The following TEF variants were observed in gnomAD, a reference collection of about 807,000 sequenced individuals.
TEF encodes the protein thyrotroph embryonic factor.
TEF carries 3 observed loss-of-function variants against 20.8 expected under a neutral mutation model. The observed-to-expected ratio is 0.14, with a 90% CI of 0.07 to 0.37. The LOEUF is 0.37. Ranked by LOEUF, TEF falls within the 10% of genes least tolerant of loss-of-function variation. The pLI, the probability that TEF is intolerant of heterozygous loss-of-function variation, is 1.00. For synonymous variants in TEF, 180 were observed against 171.1 expected, an observed-to-expected ratio of 1.05 and a Z score of -0.41; for missense variants, 296 against 397.9, an observed-to-expected ratio of 0.74 and a Z score of 2.18.
intron 1 of TEF, among the ~76,000 whole-genome samples, 157 bp downstream of exon 1, chr22:41,382,358 G>C (rs1447959577): frequency 1.3e-5 from 2 of 152,060 alleles, no homozygotes; most frequent in Non-Finnish European, 2.9e-5. Context: ...GACGAGGCCG[G>C]GGGGCTGAGG....
chr22:41,378,343 C>CT (rs58676366), upstream of TEF, among the ~76,000 whole-genome samples: 4,124 of 83,528 alleles, frequency 0.049, 396 homozygotes, highest in African/African-American at 0.19. Flanking sequence ...TAACTTTTGC[C>CT]TTTTTTTTTT....
At position 41,390,495 on chromosome 22, in the gene TEF, C is replaced by CTTTTTTTT. The variant is rs11358311; in HGVS notation, c.475+2845_475+2852dup. On this transcript the variant is annotated intron_variant, in intron 2 of 3. Transcript: ENST00000266304. ...AGTCATTTTAAGGTCTCATTGTCAT[C>CTTTTTTTT]TTTTTTTTTTTTTTTTTTTTTTTTT... 3.7e-4 allele frequency among the ~76,000 whole-genome samples: 30 copies of CTTTTTTTT among 80,356 alleles called. 1 individual carries two copies. Among genetic ancestry groups the CTTTTTTTT allele is most frequent in the East Asian group, 9.0e-4 (2 of 2,234 alleles). 52.7% of individuals were successfully genotyped at this position (80,356 alleles called of 152,430 possible). A position where few individuals can be genotyped will look rare whatever the true frequency, so the allele number is the denominator to read the frequency against.
upstream of TEF, among the ~76,000 whole-genome samples, chr22:41,378,343 C>CTTT (rs58676366): frequency 4.8e-5 from 4 of 83,560 alleles, no homozygotes; most frequent in African/African-American, 2.0e-4. Context: ...TAACTTTTGC[C>CTTT]TTTTTTTTTT....
rs988061951 is a variant in TEF at position 41,398,645 on chromosome 22, C to G, written c.*2685C>G. 3.3e-5 allele frequency: 5 copies of G among 153,016 alleles called. No individual in the cohort carries two copies. 9.5% of individuals were successfully genotyped at this position (153,016 alleles called of 1,614,324 possible). On this transcript the variant is annotated 3_prime_UTR_variant, in exon 4 of 4. Coordinates refer to ENST00000266304, the MANE Select transcript of TEF (RefSeq NM_003216.4). ...AACTTTGTGGAGGACCTGGGTAACT[C>G]TTACCCTTGGCCAAAGGAAGAGGTT...
chr22:41,369,958 C>T (rs2036861990), intron 1 of TEF: 6 of 985,422 alleles, frequency 6.1e-6, no homozygotes, highest in Non-Finnish European at 7.2e-6. Flanking sequence ...AATGGCTGTG[C>T]TTCGGCACAC....
intron 1 of TEF, among the ~76,000 whole-genome samples, chr22:41,368,653 C>A (rs939963969): frequency 1.3e-5 from 2 of 152,180 alleles, no homozygotes. Context: ...GGAGACATTG[C>A]CCGAACGGGG....
rs1306354088 is a variant in TEF at position 41,369,335 on chromosome 22, G to A, written c.67+1736G>A. The A allele has an allele frequency of 1.3e-5, 11 of 835,266 alleles. No homozygotes were observed. In the African/African-American group the frequency reaches 1.5e-4, roughly 11 times the overall value. The allele number at this position is 835,266 out of a possible 1,614,324, so 51.7% of individuals were successfully genotyped here. ...CCAAGGTTTCAGGCAGAGCTTTGCC[G>A]AGCACTGGCAAGCTGTGGCCGAGAA... On this transcript the variant is annotated intron_variant, in intron 1 of 3. Coordinates refer to the TEF transcript ENST00000406644.
At chr22:41,380,504 GTGTC>G (rs752108236), upstream of TEF, among the ~76,000 whole-genome samples, 1 of 152,142 alleles carries the variant, frequency 6.6e-6, no homozygotes, top group Non-Finnish European at 1.5e-5. Flanking sequence ...CTGGCTGTGG[GTGTC>G]TGGATCATGC....
intron 3 of TEF, among the ~76,000 whole-genome samples, chr22:41,395,389 A>G (rs982208773): frequency 6.6e-6 from 1 of 152,136 alleles, no homozygotes; most frequent in African/African-American, 2.4e-5. Context: ...GTAATCTTGG[A>G]GAGCCAAGAT....
chr22:41,382,318 GA>G, intron 1 of TEF, 117 bp downstream of exon 1: 1 of 922,654 alleles, frequency 1.1e-6, no homozygotes, highest in Non-Finnish European at 1.4e-6. Flanking sequence ...AGCGGAGGGG[GA>G]TGGGGCCTGG....
chr22:41,397,261 C>T lies in TEF; in HGVS notation c.*1301C>T, dbSNP rs1569259723. 2.5e-6 allele frequency: 1 copy of T among 397,464 alleles called. No homozygotes were observed. The highest frequency in any genetic ancestry group is 4.4e-6 in the Non-Finnish European group (1 of 225,644). The allele number at this position is 397,464 out of a possible 1,614,324, so 24.6% of individuals were successfully genotyped here. On this transcript the variant is annotated 3_prime_UTR_variant, in exon 4 of 4. Transcript: ENST00000266304. ...CTGGCCATGCTGTGGCTTCTCACAG[C>T]TGTGGTCTCCCCTGCCTCACAACGA...
intron 1 of TEF, among the ~76,000 whole-genome samples, chr22:41,376,839 C>A (rs560951286): frequency 6.6e-6 from 1 of 152,328 alleles, no homozygotes; most frequent in East Asian, 1.9e-4. Flanking sequence ...GCGGGCGTAT[C>A]CATCTCTGTT....
At chr22:41,382,756 C>A (rs1304637265) in intron 1 of TEF, among the ~76,000 whole-genome samples, 6 of 151,536 alleles carry the variant, frequency 4.0e-5, no homozygotes, top group African/African-American at 1.5e-4. Context: ...GGGAGCCTTT[C>A]TGTTGCGGGG....
At chr22:41,391,070 A>G (rs2037159341) in intron 2 of TEF, among the ~76,000 whole-genome samples, 1 of 152,098 alleles carries the variant, frequency 6.6e-6, no homozygotes, top group African/African-American at 2.4e-5. Context: ...GCCTACAGTT[A>G]CCATGTGGGT....
chr22:41,393,340 CA>C (rs34533572), intron 2 of TEF, among the ~76,000 whole-genome samples: 78,996 of 127,692 alleles, frequency 0.62, 23,903 homozygotes, highest in South Asian at 0.72. Flanking sequence ...GACCCTGTCT[CA>C]AAAAAAAAAA....
In TEF at chr22:41,369,149, C is replaced by T. The variant is rs936286861; in HGVS notation, c.67+1550C>T. 68 of 985,202 alleles carry T rather than the reference C, an allele frequency of 6.9e-5. No homozygotes were observed. The Admixed American group carries it at 2.9e-3, about 42-fold the overall frequency. 61.0% of individuals were successfully genotyped at this position (985,202 alleles called of 1,614,324 possible). On this transcript the variant is annotated intron_variant, in intron 1 of 3. Transcript: ENST00000406644. ...GCAGGGAGGATTCTCAGGGGCGACT[C>T]GGGGCACTGCTCCTCAGATGAGGAT...
In TEF at chr22:41,389,635, G is replaced by GT. The variant is rs770938186; in HGVS notation, c.475+1981dup. Among the ~76,000 whole-genome samples, 1,014 of 143,806 alleles carry GT rather than the reference G, an allele frequency of 7.1e-3. 4 individuals carry two copies. Among genetic ancestry groups the GT allele is most frequent in the South Asian group, 0.012 (54 of 4,480 alleles). The allele number at this position is 143,806 out of a possible 152,430, so 94.3% of individuals were successfully genotyped here. Reference sequence around the variant, plus strand: ...TCCATCTCAAAATAAATAAATAAAAGTTTTTTTTTTTTTTCTGTAGAGTCA... The same window carrying GT: ...TCCATCTCAAAATAAATAAATAAAAGTTTTTTTTTTTTTTTCTGTAGAGTCA... On this transcript the variant is annotated intron_variant, in intron 2 of 3. Transcript: ENST00000266304.
At chr22:41,371,192 A>G (rs2145960003) in intron 1 of TEF, among the ~76,000 whole-genome samples, 1 of 152,296 alleles carries the variant, frequency 6.6e-6, no homozygotes, top group Non-Finnish European at 1.5e-5. Context: ...TTAGCATTTT[A>G]TACCCTATAC....
chr22:41,387,998 T>C (rs1306510341), intron 2 of TEF, among the ~76,000 whole-genome samples: 1 of 121,220 alleles, frequency 8.2e-6, no homozygotes, highest in East Asian at 2.3e-4. Flanking sequence ...TTTTTTTTTT[T>C]TTTTTTTTTT....
Sources: gnomAD v4.1 joint callset for allele counts (sites outside exome capture counted in the v4.1 genomes callset) on GRCh38, gnomAD v4.1.1 for gene constraint, MANE v1.5 for transcripts, NCBI Gene and HGNC (gene_info 2026-07-23, HGNC 2026-07-21) for gene names.